DSCAM: variants seen among roughly 807,000 people sequenced by gnomAD.
DSCAM encodes the protein DS cell adhesion molecule.
A neutral mutation model predicts 217.7 loss-of-function variants in DSCAM; 47 were observed. The ratio of observed to expected loss-of-function variants is 0.22; its 90% CI spans 0.17 to 0.28. DSCAM has a LOEUF of 0.28. Ranked by LOEUF, DSCAM falls within the 10% of genes least tolerant of loss-of-function variation. DSCAM has a pLI of 1.00. For missense variants in DSCAM, 2,080 were observed against 2,618.3 expected (o/e 0.79, Z 4.49); for synonymous variants, 1,056 against 1,015.3 (o/e 1.04, Z -0.76).
rs150260871 is a variant in DSCAM, at chr21:40,826,088, T to C, written c.43+20531A>G. On this transcript the variant is annotated intron_variant, in intron 1 of 32. Transcript: ENST00000400454. Reference sequence around the variant, plus strand: ...GAGACAGATGATAAACTTCTAAGTATATGATTTTAAGTACTCTGACTTCCA... The same window carrying C: ...GAGACAGATGATAAACTTCTAAGTACATGATTTTAAGTACTCTGACTTCCA... 1.3e-3 allele frequency among the ~76,000 whole-genome samples: 204 copies of C among 152,318 alleles called. 3 individuals carry two copies. Among genetic ancestry groups the C allele is most frequent in the African/African-American group, 4.7e-3 (194 of 41,582 alleles).
At chr21:40,297,751 T>C (rs1053667244) in intron 9 of DSCAM, among the ~76,000 whole-genome samples, 1 of 152,212 alleles carries the variant, frequency 6.6e-6, no homozygotes. Flanking sequence ...GGAGAAAATA[T>C]TGCTTTTAAT....
intron 23 of DSCAM, among the ~76,000 whole-genome samples, chr21:40,084,792 G>C (rs1212785101): frequency 2.0e-5 from 3 of 151,826 alleles, no homozygotes; most frequent in Non-Finnish European, 4.4e-5. Flanking sequence ...TATAGTGCCT[G>C]TCTTCCAAAA....
At chr21:40,290,112 G>A (rs1329096921) in intron 10 of DSCAM, among the ~76,000 whole-genome samples, 1 of 152,118 alleles carries the variant, frequency 6.6e-6, no homozygotes, top group Non-Finnish European at 1.5e-5. Flanking sequence ...AAAAACCAGA[G>A]AGAAAATGAC....
At chr21:40,368,765 T>C (rs973486447) in intron 4 of DSCAM, among the ~76,000 whole-genome samples, 3 of 152,234 alleles carry the variant, frequency 2.0e-5, no homozygotes, top group Non-Finnish European at 4.4e-5. Flanking sequence ...GGGTATTTTG[T>C]ATTTGGTTTT....
chr21:40,171,642 G>C (rs2090659451), intron 15 of DSCAM, among the ~76,000 whole-genome samples: 2 of 151,504 alleles, frequency 1.3e-5, no homozygotes, highest in Non-Finnish European at 2.9e-5. Flanking sequence ...ACACACAATA[G>C]GGCTATGTCC....
At chr21:40,789,159 A>G (rs958174804) in intron 1 of DSCAM, among the ~76,000 whole-genome samples, 3 of 152,162 alleles carry the variant, frequency 2.0e-5, no homozygotes, top group Non-Finnish European at 4.4e-5. Flanking sequence ...GTGCCGATAG[A>G]GCAGAGTTTG....
chr21:40,727,446 T>C (rs993860285), intron 1 of DSCAM, among the ~76,000 whole-genome samples: 4 of 152,226 alleles, frequency 2.6e-5, no homozygotes, highest in Non-Finnish European at 5.9e-5. Context: ...CCTTAAAATA[T>C]GAGAGTTTTA....
chr21:40,771,468 G>A (rs2091444448), intron 1 of DSCAM, among the ~76,000 whole-genome samples: 1 of 152,196 alleles, frequency 6.6e-6, no homozygotes, highest in Non-Finnish European at 1.5e-5. Context: ...TCTTGTGCAT[G>A]CTATTCCTTC....
intron 1 of DSCAM, among the ~76,000 whole-genome samples, chr21:40,710,433 G>A (rs1018989143): frequency 2.0e-5 from 3 of 152,078 alleles, no homozygotes; most frequent in South Asian, 2.1e-4. Flanking sequence ...GTGTACATAC[G>A]TAAAATGTAC....
intron 16 of DSCAM, among the ~76,000 whole-genome samples, chr21:40,158,519 A>G (rs2090504612): frequency 6.6e-6 from 1 of 152,236 alleles, no homozygotes; most frequent in Admixed American, 6.5e-5. Context: ...GCCCCTGTGA[A>G]CACTCTGGCT....
chr21:40,395,146 C>A (rs1257955584), intron 3 of DSCAM, among the ~76,000 whole-genome samples: 1 of 152,154 alleles, frequency 6.6e-6, no homozygotes, highest in East Asian at 1.9e-4. Context: ...TAACTTCTTC[C>A]TCCCTTTCCT....
At chr21:40,114,259 C>CGT (rs2089939116) in intron 20 of DSCAM, among the ~76,000 whole-genome samples, 3 of 144,314 alleles carry the variant, frequency 2.1e-5, no homozygotes, top group African/African-American at 7.5e-5. Context: ...AATAATGCTC[C>CGT]ATATCTACAA....
chr21:40,461,267 G>A (rs2075803746), intron 3 of DSCAM, among the ~76,000 whole-genome samples: 1 of 152,176 alleles, frequency 6.6e-6, no homozygotes, highest in African/African-American at 2.4e-5. Context: ...CCTATGAAAT[G>A]AGGAACTGTG....
At chr21:40,772,757 T>G (rs904236706) in intron 1 of DSCAM, among the ~76,000 whole-genome samples, 1 of 152,214 alleles carries the variant, frequency 6.6e-6, no homozygotes, top group Non-Finnish European at 1.5e-5. Context: ...GTTCCCTTTG[T>G]GGGTGTTACT....
At chr21:40,382,188 A>T (rs2837592) in intron 3 of DSCAM, among the ~76,000 whole-genome samples, 72,937 of 151,924 alleles carry the variant, frequency 0.48, 17,801 homozygotes, top group South Asian at 0.64. Flanking sequence ...TGCATTTTAA[A>T]TTAAAGATTC....
intron 28 of DSCAM, among the ~76,000 whole-genome samples, chr21:40,061,661 A>G (rs549446920): frequency 6.6e-6 from 1 of 152,314 alleles, no homozygotes; most frequent in African/African-American, 2.4e-5. Context: ...GGTATGGCCA[A>G]ACAAAATGTC....
chr21:40,021,727 A>G (rs1323695142), intron 32 of DSCAM, among the ~76,000 whole-genome samples: 2 of 152,198 alleles, frequency 1.3e-5, no homozygotes, highest in Non-Finnish European at 2.9e-5. Context: ...ATAGGTCAGC[A>G]TTGATTTCTC....
chr21:40,528,871 T>A (rs2076420530), intron 3 of DSCAM, among the ~76,000 whole-genome samples: 1 of 150,688 alleles, frequency 6.6e-6, no homozygotes, highest in Non-Finnish European at 1.5e-5. Context: ...AGACACATTT[T>A]GTCTTTGGCA....
At position 40,347,738 on chromosome 21, in the gene DSCAM, C is replaced by A. The variant is rs1432820756; in HGVS notation, c.1142G>T (p.Gly381Val). The change falls in exon 6 of 33, where the codon GGC (glycine) becomes GTC (valine). Residue 381 changes from glycine to valine, a missense_variant. Physicochemically the swap from Gly to Val is moderately radical, Grantham distance 109. Coordinates refer to ENST00000400454, the MANE Select transcript of DSCAM (RefSeq NM_001389.5). The part of the protein sequence containing the change: ...IMDHMVKSDG[G>V]AYQCFVRKDK... The stretch of plus-strand genomic sequence containing the variant: ...CTTGCGCACAAAGCACTGGTATGCG[C>A]CCCCGTCACTTTTGACCATGTGATC... The A allele has an allele frequency of 1.9e-6, 3 of 1,614,198 alleles. No homozygotes were observed. Among genetic ancestry groups the A allele is most frequent in the East Asian group, 4.5e-5 (2 of 44,874 alleles).
Sources: allele counts gnomAD v4.1 joint callset (sites outside exome capture counted in the v4.1 genomes callset), GRCh38; gene constraint gnomAD v4.1.1; transcripts MANE v1.5; gene names NCBI Gene and HGNC (gene_info 2026-07-23, HGNC 2026-07-21).